TAPT1: variants seen among roughly 807,000 people sequenced by gnomAD.
TAPT1 encodes the protein transmembrane anterior posterior transformation 1.
Under a neutral mutation model 65.6 loss-of-function variants are expected in TAPT1, and 28 were observed. The observed-to-expected ratio is 0.43, with a 90% confidence interval of 0.32 to 0.59. The LOEUF is 0.59. Among genes scored for constraint, TAPT1 ranks in the 20% least tolerant of loss-of-function variants. The pLI is 0.09. For synonymous variants in TAPT1, 278 were observed against 245.2 expected, an observed-to-expected ratio of 1.13 and a Z score of -1.25; for missense variants, 563 against 679.9, an observed-to-expected ratio of 0.83 and a Z score of 1.91.
At chr4:16,219,092 C>T (rs6814810) in intron 1 of TAPT1, among the ~76,000 whole-genome samples, 2,517 of 152,158 alleles carry the variant, frequency 0.017, 74 homozygotes, top group African/African-American at 0.057. Flanking sequence ...AACTATGAAA[C>T]AGGTTCTACT....
intron 13 of TAPT1, among the ~76,000 whole-genome samples, 163 bp downstream of exon 13, chr4:16,166,470 T>C (rs908452809): frequency 2.6e-5 from 4 of 152,206 alleles, no homozygotes; most frequent in Admixed American, 1.3e-4. Context: ...CTCAGAACAC[T>C]GGGCCAGGTA....
intron 4 of TAPT1, among the ~76,000 whole-genome samples, chr4:16,188,837 G>A (rs970459646): frequency 2.6e-5 from 4 of 151,894 alleles, no homozygotes; most frequent in East Asian, 2.0e-4. Flanking sequence ...GGAGAATGAC[G>A]TGAACCCGAG....
intron 2 of TAPT1, among the ~76,000 whole-genome samples, chr4:16,209,299 T>C (rs1750524851): frequency 6.6e-6 from 1 of 152,210 alleles, no homozygotes; most frequent in Non-Finnish European, 1.5e-5. Context: ...TTAAAAGCAC[T>C]TGTCACGTTG....
At chr4:16,168,613 C>T (rs554724226) in intron 12 of TAPT1, among the ~76,000 whole-genome samples, 1 of 152,374 alleles carries the variant, frequency 6.6e-6, no homozygotes, top group African/African-American at 2.4e-5. Flanking sequence ...CTGCCCTGGC[C>T]ACCCTCTAAG....
intron 3 of TAPT1, among the ~76,000 whole-genome samples, chr4:16,194,960 G>A (rs1454771794): frequency 6.6e-6 from 1 of 151,946 alleles, no homozygotes; most frequent in Non-Finnish European, 1.5e-5. Flanking sequence ...TTGAACTCCT[G>A]ACCTCAGGTG....
intron 2 of TAPT1, among the ~76,000 whole-genome samples, chr4:16,212,831 C>A (rs1750724799): frequency 6.6e-6 from 1 of 152,238 alleles, no homozygotes; most frequent in South Asian, 2.1e-4. Context: ...CATAAAGCAA[C>A]ATTTCTGAAA....
At chr4:16,218,297 T>C (rs1012984541) in intron 1 of TAPT1, among the ~76,000 whole-genome samples, 1 of 152,012 alleles carries the variant, frequency 6.6e-6, no homozygotes, top group African/African-American at 2.4e-5. Context: ...CCCAGCTACT[T>C]GGGAGGCTGA....
intron 11 of TAPT1, among the ~76,000 whole-genome samples, chr4:16,172,244 T>A (rs1662655): frequency 0.75 from 113,259 of 151,510 alleles, 42,487 homozygotes; most frequent in Middle Eastern, 0.87. Flanking sequence ...TTAAATACTA[T>A]TTCAAAAAAA....
chr4:16,172,787 C>CA (rs1411299192), intron 11 of TAPT1, among the ~76,000 whole-genome samples: 3 of 151,286 alleles, frequency 2.0e-5, no homozygotes, highest in Non-Finnish European at 4.4e-5. Context: ...TATCCTTTCG[C>CA]AAAAAAGACA....
At chr4:16,181,703 G>T (rs1748721229) in intron 7 of TAPT1, among the ~76,000 whole-genome samples, 2 of 152,164 alleles carry the variant, frequency 1.3e-5, no homozygotes, top group African/African-American at 4.8e-5. Context: ...GAGTAGCTGG[G>T]ATTACAGGCA....
chr4:16,188,419 G>C (rs1749150932), intron 4 of TAPT1, 64 bp from the exon 5 acceptor site: 2 of 1,272,486 alleles, frequency 1.6e-6, no homozygotes, highest in Admixed American at 2.9e-5. Context: ...AACTAAAATT[G>C]AGATATAGCT....
intron 1 of TAPT1, among the ~76,000 whole-genome samples, chr4:16,221,620 A>C (rs936738240): frequency 1.3e-5 from 2 of 152,256 alleles, no homozygotes; most frequent in Non-Finnish European, 2.9e-5. Context: ...AATTAAAAGT[A>C]ATGAGTAATC....
At position 16,226,450 on chromosome 4, in the gene TAPT1, C is replaced by G; in HGVS notation, c.8G>C (p.Gly3Ala). 1 of 1,066,820 alleles carries G rather than the reference C, an allele frequency of 9.4e-7. No individual in the cohort carries two copies. The highest frequency in any genetic ancestry group is 1.7e-5 in the African/African-American group (1 of 58,744). The allele number at this position is 1,066,820 out of a possible 1,614,324, so 66.1% of individuals were successfully genotyped here. A position where few individuals can be genotyped will look rare whatever the true frequency, so the allele number is the denominator to read the frequency against. MAGVGDAAAPGEG... is the reference protein window; with the variant it reads MAAVGDAAAPGEG... The stretch of plus-strand genomic sequence containing the variant: ...TCCCGGAGCGGCCGCGTCGCCGACG[C>G]CCGCCATGTTCCGAGCACAACAAAC... The change falls in exon 1 of 14, where the codon GGC (glycine) becomes GCC (alanine). Residue 3 changes from glycine to alanine, a missense_variant. Gly to Ala is a moderately conservative substitution (Grantham distance 60, BLOSUM62 0). Around this residue, in one of 5 missense-constraint regions of TAPT1, gnomAD observed 103 missense variants for 89.4 expected, o/e 1.15. Transcript: ENST00000405303.
intron 1 of TAPT1, among the ~76,000 whole-genome samples, chr4:16,220,380 A>T (rs1487660023): frequency 2.6e-5 from 4 of 152,242 alleles, no homozygotes; most frequent in African/African-American, 9.6e-5. Flanking sequence ...TATTTTTCCA[A>T]TAATCCAAAT....
At chr4:16,166,974 C>T (rs891666578) in intron 12 of TAPT1, 181 bp from the exon 13 acceptor site, 6 of 416,234 alleles carry the variant, frequency 1.4e-5, no homozygotes, top group South Asian at 9.7e-5. Flanking sequence ...AGAAAAACTT[C>T]GGAATTCCTT....
At chr4:16,211,577 C>T (rs770509137) in intron 2 of TAPT1, among the ~76,000 whole-genome samples, 2 of 152,164 alleles carry the variant, frequency 1.3e-5, no homozygotes, top group African/African-American at 4.8e-5. Context: ...TAAGAGACTA[C>T]ATCAAATTTT....
Position 16,176,119 on chromosome 4 carries a change from A to T in TAPT1, c.1107T>A (p.Asp369Glu), listed in dbSNP as rs745533823. Reference protein sequence around the residue: ...FITKFNDITADVYSEYRASLA... With the variant: ...FITKFNDITAEVYSEYRASLA... ...TTGAAGTGCATATCAAAATACATAC[A>T]TCTGCAGTAATGTCATTGAATTTAG... The change falls in exon 9 of 14, where the codon GAT (aspartate) becomes GAA (glutamate). Residue 369 changes from aspartate to glutamate, a missense_variant and splice_region_variant. Physicochemically the swap from Asp to Glu is conservative, Grantham distance 45. This residue lies in a region of TAPT1 where 104 missense variants were observed against 102.5 expected (regional missense o/e 1.01). Transcript: ENST00000405303. 1 of 1,444,744 alleles carries T rather than the reference A, an allele frequency of 6.9e-7. No homozygotes were observed. The highest frequency in any genetic ancestry group is 1.3e-5 in the South Asian group (1 of 77,268). 89.5% of individuals were successfully genotyped at this position (1,444,744 alleles called of 1,614,324 possible). A position where few individuals can be genotyped will look rare whatever the true frequency, so the allele number is the denominator to read the frequency against.
rs1346305312 is a variant in TAPT1 at position 16,170,764 on chromosome 4, C to G, written c.1237-35G>C. On this transcript the variant is annotated intron_variant, in intron 11 of 13. Transcript: ENST00000405303. ...AACAAACCAAAACAACAAAAACACA[C>G]AAACAGAACACACAACCACAGAGTT... 6 of 1,502,260 alleles carry G rather than the reference C, an allele frequency of 4.0e-6. No homozygotes were observed. In the African/African-American group the frequency reaches 6.9e-5, roughly 17 times the overall value. The allele number at this position is 1,502,260 out of a possible 1,614,324, so 93.1% of individuals were successfully genotyped here.
intron 1 of TAPT1, among the ~76,000 whole-genome samples, 166 bp from the exon 2 acceptor site, chr4:16,214,064 A>G (rs1275458274): frequency 6.6e-6 from 1 of 152,238 alleles, no homozygotes; most frequent in African/African-American, 2.4e-5. Context: ...AGTATTTTTG[A>G]GAAAAGTATT....
Sources: gnomAD v4.1 joint callset for allele counts (sites outside exome capture counted in the v4.1 genomes callset) on GRCh38, gnomAD v4.1.1 for gene constraint, gnomAD v4.1.1 regional missense constraint, MANE v1.5 for transcripts, NCBI Gene and HGNC (gene_info 2026-07-23, HGNC 2026-07-21) for gene names.